The following EDIL3 variants were observed in gnomAD, a reference collection of about 807,000 sequenced individuals.
EDIL3 encodes EGF like and discoidin domains 3.
Under a neutral mutation model 67.4 loss-of-function variants are expected in EDIL3, and 37 were observed. The observed-to-expected ratio is 0.55, with a 90% CI of 0.42 to 0.72. The LOEUF (loss-of-function observed/expected upper bound fraction) is 0.72. Ranked by LOEUF, EDIL3 falls within the 30% of genes least tolerant of loss-of-function variation. The pLI, the probability that EDIL3 is intolerant of heterozygous loss-of-function variation, is 0.00. For missense variants in EDIL3, 527 were observed against 586.3 expected (o/e 0.90, Z 1.04); for synonymous variants, 195 against 196.3 (o/e 0.99, Z 0.05).
chr5:84,267,409 TG>T (rs959116476), intron 1 of EDIL3, among the ~76,000 whole-genome samples: 6 of 152,204 alleles, frequency 3.9e-5, no homozygotes, highest in Non-Finnish European at 7.3e-5. Flanking sequence ...CCTCCTAAGG[TG>T]GGTAATGCTT....
At chr5:84,147,624 C>T (rs147794377) in intron 4 of EDIL3, among the ~76,000 whole-genome samples, 227 of 151,966 alleles carry the variant, frequency 1.5e-3, no homozygotes, top group African/African-American at 5.1e-3. Context: ...ACCAATAAAT[C>T]TTTTTAAGAT....
At chr5:84,164,721 A>G (rs551865566) in intron 4 of EDIL3, among the ~76,000 whole-genome samples, 1 of 152,260 alleles carries the variant, frequency 6.6e-6, no homozygotes, top group East Asian at 1.9e-4. Flanking sequence ...GCAAATCACA[A>G]TTCTAGGTTT....
chr5:84,061,876 A>G (rs957943163), intron 8 of EDIL3, among the ~76,000 whole-genome samples: 5 of 152,090 alleles, frequency 3.3e-5, no homozygotes, highest in Non-Finnish European at 5.9e-5. Flanking sequence ...CTAAAACTAG[A>G]CCTTTTTTGG....
intron 3 of EDIL3, among the ~76,000 whole-genome samples, chr5:84,190,455 A>G (rs565573696): frequency 4.6e-5 from 7 of 151,736 alleles, no homozygotes; most frequent in Non-Finnish European, 1.0e-4. Flanking sequence ...GTTTGCCATT[A>G]GCTACCATAG....
chr5:84,263,483 GGCA>G (rs1745276992), intron 1 of EDIL3, among the ~76,000 whole-genome samples: 1 of 152,164 alleles, frequency 6.6e-6, no homozygotes, highest in Admixed American at 6.5e-5. Flanking sequence ...ATGAAAGCAT[GGCA>G]GTGTGTTATG....
At chr5:84,247,437 A>G (rs568911303) in intron 2 of EDIL3, among the ~76,000 whole-genome samples, 1 of 152,304 alleles carries the variant, frequency 6.6e-6, no homozygotes, top group South Asian at 2.1e-4. Context: ...ATATTCTGAC[A>G]CTGATTGCCT....
chr5:84,116,733 A>C (rs1236297765), intron 5 of EDIL3, among the ~76,000 whole-genome samples: 1 of 152,244 alleles, frequency 6.6e-6, no homozygotes, highest in Non-Finnish European at 1.5e-5. Context: ...AACTTTAAAC[A>C]TAACAAATGT....
intron 1 of EDIL3, among the ~76,000 whole-genome samples, chr5:84,273,025 G>T (rs1745506530): frequency 6.6e-6 from 1 of 152,016 alleles, no homozygotes; most frequent in Admixed American, 6.6e-5. Context: ...GGCTTTGCTT[G>T]TCTCCAGTAT....
chr5:84,012,346 C>T lies in EDIL3; in HGVS notation c.1137+47954G>A, dbSNP rs1428837950. 4.6e-5 allele frequency among the ~76,000 whole-genome samples: 7 copies of T among 152,078 alleles called. 1 individual carries two copies. In the Middle Eastern group the frequency reaches 0.017, roughly 369 times the overall value. ...AATAGGAATGATAATACCTATTTTT[C>T]AAAGCTTTTGTAATGACAAAAATAA... On this transcript the variant is annotated intron_variant, in intron 9 of 10. Transcript: ENST00000296591.
At chr5:84,244,504 G>A (rs1744866401) in intron 2 of EDIL3, among the ~76,000 whole-genome samples, 1 of 151,448 alleles carries the variant, frequency 6.6e-6, no homozygotes. Flanking sequence ...GGCCAGGCTG[G>A]TCTTAAACCC....
chr5:84,273,496 T>A (rs1348744622), intron 1 of EDIL3, among the ~76,000 whole-genome samples: 1 of 152,192 alleles, frequency 6.6e-6, no homozygotes, highest in Non-Finnish European at 1.5e-5. Flanking sequence ...GTCTGCCTGA[T>A]AAGGTGGTGG....
intron 9 of EDIL3, among the ~76,000 whole-genome samples, chr5:84,023,400 C>T (rs1000794534): frequency 7.2e-5 from 11 of 151,944 alleles, no homozygotes; most frequent in Admixed American, 5.9e-4. Flanking sequence ...ACCTTTGACA[C>T]ATCTTTAAAT....
chr5:84,294,996 C>T (rs1746014299), intron 1 of EDIL3, among the ~76,000 whole-genome samples: 1 of 152,122 alleles, frequency 6.6e-6, no homozygotes, highest in Non-Finnish European at 1.5e-5. Context: ...ATTACTTACA[C>T]ATTTCAGCAA....
At chr5:84,059,858 T>C (rs1377476781) in intron 9 of EDIL3, among the ~76,000 whole-genome samples, 1 of 152,216 alleles carries the variant, frequency 6.6e-6, no homozygotes. Context: ...AATATCTTCA[T>C]TGCTTAGCAA....
chr5:84,361,538 G>GAATCT (rs1747608847), intron 1 of EDIL3, among the ~76,000 whole-genome samples: 3 of 151,844 alleles, frequency 2.0e-5, no homozygotes, highest in African/African-American at 7.3e-5. Context: ...TTCTTTAAAA[G>GAATCT]ATTCTATTAT....
intron 5 of EDIL3, among the ~76,000 whole-genome samples, chr5:84,123,051 A>G (rs1747807557): frequency 6.6e-6 from 1 of 151,650 alleles, no homozygotes; most frequent in Non-Finnish European, 1.5e-5. Flanking sequence ...CCTCTCTCTC[A>G]CTGTGTATTT....
At chr5:84,038,261 A>T (rs1429214647) in intron 9 of EDIL3, among the ~76,000 whole-genome samples, 2 of 151,034 alleles carry the variant, frequency 1.3e-5, no homozygotes, top group African/African-American at 4.9e-5. Flanking sequence ...CCAATTTCCC[A>T]CCTGTGTTCC....
In EDIL3 at chr5:83,941,081, A is replaced by G. The variant is rs776464058; in HGVS notation, c.*2338T>C. ...GTTTTAGTGTGAATTTACATAGAAT[A>G]AATTTACTTCACTTTCATGTCATCG... On this transcript the variant is annotated 3_prime_UTR_variant, in exon 11 of 11. Transcript: ENST00000296591. 5 of 152,004 alleles carry G rather than the reference A, an allele frequency of 3.3e-5. No individual in the cohort carries two copies. The highest frequency in any genetic ancestry group is 5.9e-5 in the Non-Finnish European group (4 of 67,902). The allele number at this position is 152,004 out of a possible 1,614,324, so 9.4% of individuals were successfully genotyped here. A position where few individuals can be genotyped will look rare whatever the true frequency, so the allele number is the denominator to read the frequency against.
At chr5:84,094,548 T>C (rs1227063081) in intron 6 of EDIL3, among the ~76,000 whole-genome samples, 1 of 152,176 alleles carries the variant, frequency 6.6e-6, no homozygotes, top group Non-Finnish European at 1.5e-5. Flanking sequence ...TCCTGGTCTT[T>C]TGAAAATGAT....
Sources: allele counts gnomAD v4.1 joint callset (sites outside exome capture counted in the v4.1 genomes callset), GRCh38; gene constraint gnomAD v4.1.1; transcripts MANE v1.5; gene names NCBI Gene and HGNC (gene_info 2026-07-23, HGNC 2026-07-21).